The following CUX1 variants were observed in gnomAD, a reference collection of about 807,000 sequenced individuals.
The protein encoded by CUX1 is protein CASP.
A neutral mutation model predicts 158.8 loss-of-function variants in CUX1; 31 were observed. The ratio of observed to expected loss-of-function variants is 0.20; its 90% CI spans 0.15 to 0.26. The LOEUF (loss-of-function observed/expected upper bound fraction) is 0.26, where lower values mean the gene tolerates loss of function less well. CUX1 is among the 10% of genes least tolerant of loss of function. The pLI, the probability that CUX1 is intolerant of heterozygous loss-of-function variation, is 1.00. For synonymous variants in CUX1, 879 were observed against 862.1 expected (o/e 1.02, Z -0.34); for missense variants, 1,589 against 2,014.6 (o/e 0.79, Z 4.04).
Position 102,205,162 on chromosome 7 carries a change from T to G in CUX1, c.3122T>G (p.Val1041Gly), listed in dbSNP as rs1554520761. The G allele has an allele frequency of 1.9e-6, 3 of 1,609,894 alleles. No homozygotes were observed. Among genetic ancestry groups the G allele is most frequent in the Admixed American group, 1.7e-5 (1 of 60,022 alleles). ...CAGGACCCGCTGCAGCAGGGCTGTGTGAGCTCAGGTAAGCAGCCAGTTTCT... is the reference window on the plus strand; with the variant it reads ...CAGGACCCGCTGCAGCAGGGCTGTGGGAGCTCAGGTAAGCAGCCAGTTTCT... The part of the protein sequence containing the change: ...SLQDPLQQGC[V>G]SSESTPKTSA... Residue 1041 changes from valine (V) to glycine (G), a missense_variant, in exon 20 of 24, where the codon GTG (valine) becomes GGG (glycine). Physicochemically the swap from Val to Gly is moderately radical, Grantham distance 109. Coordinates refer to ENST00000292535, the MANE Select transcript of CUX1 (RefSeq NM_181552.4).
intron 2 of CUX1, among the ~76,000 whole-genome samples, chr7:102,016,897 C>G (rs1818661679): frequency 6.6e-6 from 1 of 152,178 alleles, no homozygotes; most frequent in African/African-American, 2.4e-5. Flanking sequence ...GACACAGTGG[C>G]AAAAGTCGGA....
intron 20 of CUX1, among the ~76,000 whole-genome samples, chr7:102,223,689 T>C (rs369091): frequency 0.91 from 139,252 of 152,222 alleles, 63,874 homozygotes; most frequent in East Asian, 1. Flanking sequence ...AAAAAAAGGG[T>C]CAGGCGCGGT....
intron 7 of CUX1, among the ~76,000 whole-genome samples, chr7:102,113,747 A>G (rs781932607): frequency 1.3e-5 from 2 of 151,188 alleles, no homozygotes; most frequent in Non-Finnish European, 3.0e-5. Context: ...TATTTCTTTT[A>G]TGGACATGGA....
At chr7:102,151,772 T>C (rs1306459718) in intron 8 of CUX1, among the ~76,000 whole-genome samples, 2 of 103,436 alleles carry the variant, frequency 1.9e-5, no homozygotes, top group Non-Finnish European at 4.0e-5. Flanking sequence ...GGTTGGGAGG[T>C]GCCCCAAAGC....
In CUX1 at chr7:102,256,925, G is replaced by A. The variant is rs1386620568; in HGVS notation, c.*7883G>A. 3.0e-6 allele frequency: 3 copies of A among 985,364 alleles called. No individual in the cohort carries two copies. The highest frequency in any genetic ancestry group is 3.5e-5 in the African/African-American group (2 of 57,240). The allele number at this position is 985,364 out of a possible 1,614,324, so 61.0% of individuals were successfully genotyped here. On this transcript the variant is annotated 3_prime_UTR_variant, in exon 24 of 24. Coordinates refer to ENST00000292535, the MANE Select transcript of CUX1 (RefSeq NM_181552.4). ...CAAAACCATCTTTCAAAGCAACAGTGTTTTGTAGTACCAGGCTGTGGCTTG... is the reference window on the plus strand; with the variant it reads ...CAAAACCATCTTTCAAAGCAACAGTATTTTGTAGTACCAGGCTGTGGCTTG...
intron 2 of CUX1, among the ~76,000 whole-genome samples, chr7:102,010,647 A>G (rs1333840559): frequency 2.0e-5 from 3 of 152,190 alleles, no homozygotes; most frequent in Non-Finnish European, 2.9e-5. Flanking sequence ...ATGTGTGTGC[A>G]TAGGGACATG....
chr7:102,278,005 G>C (rs1330943466), exon 18 of CUX1: 4 of 1,607,870 alleles, frequency 2.5e-6, no homozygotes, highest in Non-Finnish European at 3.4e-6. Flanking sequence ...TGGACAGCCT[G>C]CGCGCCGACA....
rs201097193 is a variant in CUX1 at position 102,105,900 on chromosome 7, G to GA, written c.530+1449dup. 6.2e-3 allele frequency among the ~76,000 whole-genome samples: 934 copies of GA among 151,206 alleles called. 12 individuals carry two copies. The highest frequency in any genetic ancestry group is 0.021 in the African/African-American group (863 of 41,276). On this transcript the variant is annotated intron_variant, in intron 6 of 23. Coordinates refer to ENST00000292535, the MANE Select transcript of CUX1 (RefSeq NM_181552.4). ...TCAAGTAAAAGAAAAGCAAAAAAGG[G>GA]AAAAAAAAGATACTGAATTTTAACT... is the stretch of plus-strand genomic sequence containing the variant.
intron 2 of CUX1, among the ~76,000 whole-genome samples, chr7:101,995,386 G>A (rs1815713524): frequency 6.6e-6 from 1 of 152,226 alleles, no homozygotes; most frequent in Non-Finnish European, 1.5e-5. Context: ...TTAAAAAAAT[G>A]AATGTGTCTC....
intron 5 of CUX1, among the ~76,000 whole-genome samples, chr7:102,103,246 G>C (rs1445567827): frequency 2.0e-5 from 3 of 152,154 alleles, no homozygotes; most frequent in Non-Finnish European, 4.4e-5. Context: ...ATGACCACCA[G>C]AGTGGTGGGC....
At chr7:102,059,039 C>T (rs2130307609) in intron 3 of CUX1, among the ~76,000 whole-genome samples, 1 of 152,360 alleles carries the variant, frequency 6.6e-6, no homozygotes, top group South Asian at 2.1e-4. Flanking sequence ...GTTGTCTAAG[C>T]TGTGATCTGC....
chr7:101,944,856 G>A (rs895975263), intron 2 of CUX1, among the ~76,000 whole-genome samples: 3 of 152,208 alleles, frequency 2.0e-5, no homozygotes, highest in Admixed American at 6.5e-5. Context: ...GGTGCAGGCC[G>A]TGTTGCACAT....
chr7:102,132,680 C>CTT (rs1174779466), intron 8 of CUX1, among the ~76,000 whole-genome samples: 35,058 of 114,964 alleles, frequency 0.3, 6,549 homozygotes, highest in Non-Finnish European at 0.38. Context: ...CTTTGCTTTT[C>CTT]TTTTTTTTTT....
At chr7:102,034,848 C>T (rs868024918) in intron 3 of CUX1, among the ~76,000 whole-genome samples, 1 of 151,516 alleles carries the variant, frequency 6.6e-6, no homozygotes, top group Non-Finnish European at 1.5e-5. Context: ...GCAGGAGAAT[C>T]ACTTGAACCC....
In CUX1 at chr7:102,126,475, C is replaced by T. The variant is rs186809733; in HGVS notation, c.674+11202C>T. On this transcript the variant is annotated intron_variant, in intron 8 of 23. Transcript: ENST00000292535. ...AAGATGATCATTGTTAACATTTTGG[C>T]CTATTTCCATAGTCTTTTTTTCTAT... Among the ~76,000 whole-genome samples, 260 of 152,186 alleles carry T rather than the reference C, an allele frequency of 1.7e-3. 1 individual carries two copies. Among genetic ancestry groups the T allele is most frequent in the Non-Finnish European group, 2.0e-3 (139 of 68,016 alleles).
At chr7:101,913,401 T>G (rs1803732154) in intron 1 of CUX1, 1 of 1,263,530 alleles carries the variant, frequency 7.9e-7, no homozygotes, top group South Asian at 1.3e-5. Flanking sequence ...AGCAGCAAGT[T>G]GCCGCAGGCG....
rs941356764 is a variant in CUX1 at position 102,089,390 on chromosome 7, A to G, written c.269-7974A>G. 3.9e-5 allele frequency among the ~76,000 whole-genome samples: 6 copies of G among 152,270 alleles called. No individual in the cohort carries two copies. The East Asian group carries it at 1.2e-3, about 29-fold the overall frequency. ...TGAATTTTAGACATCATGAGCTTTAACTGGATTTTGTTGTCTTATTTAAGT... is the reference window on the plus strand; with the variant it reads ...TGAATTTTAGACATCATGAGCTTTAGCTGGATTTTGTTGTCTTATTTAAGT... On this transcript the variant is annotated intron_variant, in intron 4 of 23. Coordinates refer to ENST00000292535, the MANE Select transcript of CUX1 (RefSeq NM_181552.4).
intron 2 of CUX1, among the ~76,000 whole-genome samples, chr7:102,022,010 G>A (rs1040935264): frequency 2.6e-5 from 4 of 152,140 alleles, no homozygotes; most frequent in African/African-American, 4.8e-5. Context: ...GCAGCTCAGC[G>A]TGTCACCAGC....
intron 1 of CUX1, among the ~76,000 whole-genome samples, chr7:101,915,522 A>G (rs1804088551): frequency 6.6e-6 from 1 of 152,228 alleles, no homozygotes; most frequent in Non-Finnish European, 1.5e-5. Flanking sequence ...GTCCCTCTTG[A>G]AAACTAATCA....
Sources: gnomAD v4.1 joint callset for allele counts (sites outside exome capture counted in the v4.1 genomes callset) on GRCh38, gnomAD v4.1.1 for gene constraint, MANE v1.5 for transcripts, NCBI Gene and HGNC (gene_info 2026-07-23, HGNC 2026-07-21) for gene names.